GRID1: variants seen among roughly 807,000 people sequenced by gnomAD.
The protein encoded by GRID1 is glutamate receptor ionotropic, delta-1.
GRID1 carries 28 observed loss-of-function variants against 98.0 expected under a neutral mutation model. The observed-to-expected ratio is 0.29, with a 90% CI of 0.21 to 0.39. The LOEUF (loss-of-function observed/expected upper bound fraction) is 0.39. GRID1 is among the 10% of genes least tolerant of loss of function. The probability of loss-of-function intolerance (pLI) is 1.00; values close to 1 mark genes in which losing one functional copy is unlikely to be tolerated. For synonymous variants in GRID1, 553 were observed against 538.5 expected, an observed-to-expected ratio of 1.03 and a Z score of -0.37; for missense variants, 1,111 against 1,340.5, an observed-to-expected ratio of 0.83 and a Z score of 2.67.
intron 8 of GRID1, among the ~76,000 whole-genome samples, chr10:85,810,486 C>A (rs1470780405): frequency 6.6e-6 from 1 of 152,168 alleles, no homozygotes; most frequent in Non-Finnish European, 1.5e-5. Context: ...GTTGGAGAAA[C>A]AGTCTAGCAG....
chr10:85,672,709 G>C (rs1389398598), intron 12 of GRID1, among the ~76,000 whole-genome samples: 1 of 143,814 alleles, frequency 7.0e-6, no homozygotes, highest in African/African-American at 2.5e-5. Flanking sequence ...TACTGCTCAG[G>C]AAAAAAAAAA....
chr10:85,724,134 A>G (rs1841734304), intron 11 of GRID1, among the ~76,000 whole-genome samples: 1 of 152,234 alleles, frequency 6.6e-6, no homozygotes, highest in African/African-American at 2.4e-5. Flanking sequence ...AAAGTGGAGA[A>G]TCAGGAATTG....
At chr10:86,190,804 C>T (rs557812002) in intron 3 of GRID1, among the ~76,000 whole-genome samples, 5 of 152,248 alleles carry the variant, frequency 3.3e-5, no homozygotes, top group Non-Finnish European at 7.3e-5. Context: ...GCACCTCTAA[C>T]TTTAATGACT....
intron 15 of GRID1, among the ~76,000 whole-genome samples, chr10:85,603,896 G>T (rs1333419961): frequency 6.6e-6 from 1 of 152,018 alleles, no homozygotes; most frequent in Non-Finnish European, 1.5e-5. Context: ...CACCTTGCAG[G>T]GGAGTTAGAA....
intron 8 of GRID1, among the ~76,000 whole-genome samples, chr10:85,795,225 C>T (rs1337319790): frequency 6.6e-6 from 1 of 152,148 alleles, no homozygotes; most frequent in Non-Finnish European, 1.5e-5. Flanking sequence ...TTTGCTTGTT[C>T]TTGAAATTGG....
chr10:86,191,778 T>A lies in GRID1; in HGVS notation c.520+14586A>T, dbSNP rs1845805846. ...GAGTCACTCCAGCCCTGCCCAGTTG[T>A]TAGTCTGGGCTGCTTCCACTCCACC... On this transcript the variant is annotated intron_variant, in intron 3 of 15. Transcript: ENST00000327946. Among the ~76,000 whole-genome samples the A allele has an allele frequency of 2.0e-5, 3 of 152,114 alleles. No homozygotes were observed. In the South Asian group the frequency reaches 6.2e-4, roughly 32 times the overall value.
chr10:85,911,843 G>A (rs1317406454), intron 5 of GRID1, among the ~76,000 whole-genome samples: 1 of 152,212 alleles, frequency 6.6e-6, no homozygotes, highest in Non-Finnish European at 1.5e-5. Flanking sequence ...GCTGGAGGAT[G>A]TGTGGAGAGG....
intron 5 of GRID1, among the ~76,000 whole-genome samples, chr10:85,879,940 A>C (rs2131802008): frequency 6.6e-6 from 1 of 152,320 alleles, no homozygotes; most frequent in East Asian, 1.9e-4. Flanking sequence ...TAAAGGGTAT[A>C]TCACCACCGA....
At chr10:85,992,060 G>C (rs17106123) in intron 4 of GRID1, among the ~76,000 whole-genome samples, 8,465 of 152,194 alleles carry the variant, frequency 0.056, 571 homozygotes, top group African/African-American at 0.16. Flanking sequence ...ACTTCCCTGG[G>C]TGTGACAAGA....
chr10:86,010,445 G>A (rs1842910611), intron 4 of GRID1, among the ~76,000 whole-genome samples: 1 of 152,180 alleles, frequency 6.6e-6, no homozygotes, highest in South Asian at 2.1e-4. Flanking sequence ...CAGGCAGGGT[G>A]CCCAGGGACC....
At chr10:85,817,025 A>G (rs967933143) in intron 8 of GRID1, among the ~76,000 whole-genome samples, 1 of 152,108 alleles carries the variant, frequency 6.6e-6, no homozygotes, top group Non-Finnish European at 1.5e-5. Flanking sequence ...GCTGCAAAGG[A>G]CCTGATCTCA....
At chr10:85,944,846 G>A (rs565734514) in intron 4 of GRID1, among the ~76,000 whole-genome samples, 18 of 152,056 alleles carry the variant, frequency 1.2e-4, no homozygotes, top group African/African-American at 2.9e-4. Context: ...AAGTTACAAC[G>A]TAACGGATAT....
rs72842910 is a variant in GRID1, at chr10:85,830,984, A to G, written c.1233+23512T>C. Among the ~76,000 whole-genome samples, 1,272 of 152,306 alleles carry G rather than the reference A, an allele frequency of 8.4e-3. 49 individuals are homozygous for G. The East Asian group carries it at 0.12, about 14-fold the overall frequency. ...GTATATATCCAAAGGAATATAAATC[A>G]TTCTATTATAAAGACACATACACAT... On this transcript the variant is annotated intron_variant, in intron 8 of 15. Transcript: ENST00000327946.
At chr10:85,740,016 A>G (rs1255066462) in intron 8 of GRID1, among the ~76,000 whole-genome samples, 1 of 152,220 alleles carries the variant, frequency 6.6e-6, no homozygotes, top group African/African-American at 2.4e-5. Flanking sequence ...TTTTATAATC[A>G]GAAGAAAAAT....
Position 85,599,802 on chromosome 10 carries a change from A to AAAAAAAAAAAAATATATATAT in GRID1, c.*2470_*2471insATATATATATTTTTTTTTTTT. The AAAAAAAAAAAAATATATATAT allele has an allele frequency of 2.2e-4, 14 of 64,972 alleles. No individual in the cohort carries two copies. The highest frequency in any genetic ancestry group is 1.2e-3 in the African/African-American group (13 of 10,720). 4.0% of individuals were successfully genotyped at this position (64,972 alleles called of 1,614,324 possible). On this transcript the variant is annotated 3_prime_UTR_variant, in exon 16 of 16. Coordinates refer to ENST00000327946, the MANE Select transcript of GRID1 (RefSeq NM_017551.3). Reference sequence around the variant, plus strand: ...GTAGAAAATTCTAAAAAAAAAAAAAAATATATATATATATATATAAACATG... The same window carrying AAAAAAAAAAAAATATATATAT: ...GTAGAAAATTCTAAAAAAAAAAAAAAAAAAAAAAAAAATATATATATATATATATATATATATATAAACATG...
chr10:85,952,211 A>T (rs1469827581), intron 4 of GRID1, among the ~76,000 whole-genome samples: 2 of 152,240 alleles, frequency 1.3e-5, no homozygotes, highest in Non-Finnish European at 2.9e-5. Flanking sequence ...GCAATTGAAC[A>T]GAGTTAATAA....
chr10:85,813,283 T>C (rs1174311416), intron 8 of GRID1, among the ~76,000 whole-genome samples: 1 of 151,410 alleles, frequency 6.6e-6, no homozygotes, highest in Non-Finnish European at 1.5e-5. Context: ...GAAAACCATG[T>C]CTACATACAT....
At chr10:86,187,751 A>T (rs1845746745) in intron 3 of GRID1, among the ~76,000 whole-genome samples, 3 of 152,182 alleles carry the variant, frequency 2.0e-5, no homozygotes, top group African/African-American at 7.2e-5. Flanking sequence ...TGCACATGGA[A>T]TTGGCCATTA....
At chr10:85,769,311 G>A (rs1349502983) in intron 8 of GRID1, among the ~76,000 whole-genome samples, 1 of 152,216 alleles carries the variant, frequency 6.6e-6, no homozygotes, top group Non-Finnish European at 1.5e-5. Context: ...TAAATGTGGG[G>A]TACACATGAA....
Sources: allele counts gnomAD v4.1 joint callset (sites outside exome capture counted in the v4.1 genomes callset), GRCh38; gene constraint gnomAD v4.1.1; transcripts MANE v1.5; gene names NCBI Gene and HGNC (gene_info 2026-07-23, HGNC 2026-07-21).